KLHL25: variants seen among roughly 807,000 people sequenced by gnomAD.
KLHL25 encodes the protein kelch-like protein 25.
A neutral mutation model predicts 30.0 loss-of-function variants in KLHL25; 41 were observed. The ratio of observed to expected loss-of-function variants is 1.37; its 90% CI spans 1.07 to 1.78. KLHL25 has a LOEUF of 1.78. Ranked by LOEUF, KLHL25 falls within the 40% of genes most tolerant of loss-of-function variation. KLHL25 has a pLI of 0.00. For missense variants in KLHL25, 971 were observed against 824.5 expected, an observed-to-expected ratio of 1.18 and a Z score of -2.18; for synonymous variants, 399 against 355.3, an observed-to-expected ratio of 1.12 and a Z score of -1.38.
intron 1 of KLHL25, among the ~76,000 whole-genome samples, chr15:85,779,771 A>T (rs1198303844): frequency 1.3e-5 from 2 of 152,200 alleles, no homozygotes; most frequent in Non-Finnish European, 2.9e-5. Flanking sequence ...AGCCCTCAGG[A>T]ACCTTAGTCT....
At chr15:85,792,821 C>G (rs1200551741) in intron 1 of KLHL25, among the ~76,000 whole-genome samples, 1 of 152,262 alleles carries the variant, frequency 6.6e-6, no homozygotes, top group Non-Finnish European at 1.5e-5. Flanking sequence ...CCCCAGGAAG[C>G]CTTGCCCACC....
chr15:85,770,689 C>T, intron 1 of KLHL25: 1 of 399,114 alleles, frequency 2.5e-6, no homozygotes. Flanking sequence ...TCCAGATTTG[C>T]CTCAGCAAAG....
At chr15:85,779,626 G>C (rs2089731418) in intron 1 of KLHL25, among the ~76,000 whole-genome samples, 1 of 152,162 alleles carries the variant, frequency 6.6e-6, no homozygotes, top group East Asian at 1.9e-4. Flanking sequence ...AATTATTGCA[G>C]TTACAGAATA....
At chr15:85,794,093 G>A (rs1300569748) in intron 1 of KLHL25, among the ~76,000 whole-genome samples, 2 of 152,206 alleles carry the variant, frequency 1.3e-5, no homozygotes, top group East Asian at 1.9e-4. Context: ...TCGGAGCCAG[G>A]GCAAGTGTGG....
Position 85,769,247 on chromosome 15 carries a change from C to A in KLHL25, c.564G>T (p.Leu188=), listed in dbSNP as rs755257492. ...TGAGGTCCAGCAGTGTGTCCTTGGA[C>A]AGGCTGTTGAAGTCCTCGCTCTGCC... is the stretch of plus-strand genomic sequence containing the variant. ...TVRQSEDFNS[L]SKDTLLDLIS... The change falls in exon 2 of 3, where the codon CTG becomes CTT. Residue 188 remains leucine, a synonymous_variant. Transcript: ENST00000337975. 1.9e-6 allele frequency: 3 copies of A among 1,613,888 alleles called. No individual in the cohort carries two copies. Among genetic ancestry groups the A allele is most frequent in the Non-Finnish European group, 2.5e-6 (3 of 1,180,038 alleles).
intron 1 of KLHL25, among the ~76,000 whole-genome samples, chr15:85,787,493 A>G (rs2089788256): frequency 1.3e-5 from 2 of 152,184 alleles, no homozygotes; most frequent in African/African-American, 4.8e-5. Context: ...TTCAGGCACT[A>G]TTATTAGTGA....
chr15:85,767,805 C>T (rs901436586), intron 2 of KLHL25, among the ~76,000 whole-genome samples: 6 of 152,226 alleles, frequency 3.9e-5, no homozygotes, highest in Admixed American at 3.3e-4. Context: ...TGGTTACTGT[C>T]CCCATTTTGC....
At chr15:85,784,857 A>G (rs1382824316) in intron 1 of KLHL25, among the ~76,000 whole-genome samples, 3 of 152,322 alleles carry the variant, frequency 2.0e-5, no homozygotes, top group Admixed American at 2.0e-4. Flanking sequence ...CCAGACTTCC[A>G]GCCTACAGAA....
At chr15:85,767,913 T>C in intron 2 of KLHL25, 104 bp downstream of exon 2, 2 of 754,416 alleles carry the variant, frequency 2.7e-6, no homozygotes, top group South Asian at 2.0e-5. Flanking sequence ...CCACCCAGAC[T>C]TCCCTGGAAG....
rs1018639539 is a variant in KLHL25, at chr15:85,790,231, G to A, written c.-11+4535C>T. ...AGCCTCCCAAGTAGCTGGGATTACA[G>A]GCATGAGCCACCACACCCAGCTAAT... On this transcript the variant is annotated intron_variant, in intron 1 of 2. Coordinates refer to ENST00000337975, the MANE Select transcript of KLHL25 (RefSeq NM_022480.4). 2.4e-4 allele frequency among the ~76,000 whole-genome samples: 37 copies of A among 152,214 alleles called. 2 individuals carry two copies. Among genetic ancestry groups the A allele is most frequent in the South Asian group, 2.1e-4 (1 of 4,838 alleles).
intron 2 of KLHL25, chr15:85,762,987 G>C (rs2089593332): frequency 6.7e-6 from 1 of 150,110 alleles, no homozygotes; most frequent in Admixed American, 6.8e-5. Flanking sequence ...GAGAAGACAA[G>C]CTGTCGGCAG....
intron 1 of KLHL25, among the ~76,000 whole-genome samples, chr15:85,780,331 C>G (rs1255763833): frequency 6.6e-6 from 1 of 152,216 alleles, no homozygotes; most frequent in Non-Finnish European, 1.5e-5. Context: ...CCAGAGCAAG[C>G]CAGAGACAGA....
chr15:85,766,631 G>T (rs2089627802), intron 2 of KLHL25, among the ~76,000 whole-genome samples: 2 of 151,506 alleles, frequency 1.3e-5, no homozygotes, highest in African/African-American at 4.9e-5. Context: ...TGCAGGGCCT[G>T]GCTCAAACTG....
intron 1 of KLHL25, among the ~76,000 whole-genome samples, chr15:85,782,856 C>T (rs1367806684): frequency 2.0e-5 from 3 of 152,190 alleles, no homozygotes; most frequent in African/African-American, 4.8e-5. Flanking sequence ...CAGGTCACTG[C>T]GTATTGTGCC....
intron 1 of KLHL25, among the ~76,000 whole-genome samples, chr15:85,771,930 G>A (rs2089677706): frequency 1.3e-5 from 2 of 152,186 alleles, no homozygotes; most frequent in African/African-American, 2.4e-5. Flanking sequence ...GAGAGACTGC[G>A]CTGACCGGGT....
intron 1 of KLHL25, among the ~76,000 whole-genome samples, chr15:85,783,813 C>A (rs1211010136): frequency 6.6e-6 from 1 of 152,150 alleles, no homozygotes; most frequent in Admixed American, 6.5e-5. Flanking sequence ...CCTTGGGCAG[C>A]CTACCAGGAA....
At chr15:85,772,623 C>G (rs992848735) in intron 1 of KLHL25, among the ~76,000 whole-genome samples, 1 of 152,214 alleles carries the variant, frequency 6.6e-6, no homozygotes, top group African/African-American at 2.4e-5. Context: ...CGAGAGTACC[C>G]AGGCAGAGAC....
At chr15:85,791,187 T>C (rs530591341) in intron 1 of KLHL25, among the ~76,000 whole-genome samples, 217 of 88,054 alleles carry the variant, frequency 2.5e-3, no homozygotes, top group African/African-American at 9.7e-3. Context: ...AAGGTAAGAC[T>C]CAGTCTCAAA....
At chr15:85,779,179 C>A (rs1319358191) in intron 1 of KLHL25, among the ~76,000 whole-genome samples, 1 of 152,074 alleles carries the variant, frequency 6.6e-6, no homozygotes, top group African/African-American at 2.4e-5. Context: ...CATGGATGGG[C>A]AGCACCTGCC....
Sources: allele counts gnomAD v4.1 joint callset (sites outside exome capture counted in the v4.1 genomes callset), GRCh38; gene constraint gnomAD v4.1.1; transcripts MANE v1.5; gene names NCBI Gene and HGNC (gene_info 2026-07-23, HGNC 2026-07-21).